The following ROBO1 variants were observed in gnomAD, a reference collection of about 807,000 sequenced individuals.
ROBO1 encodes the protein roundabout guidance receptor 1.
ROBO1 carries 149 observed loss-of-function variants against 195.9 expected under a neutral mutation model. The observed-to-expected ratio is 0.76, with a 90% CI of 0.67 to 0.87. The LOEUF is 0.87. Ranked by LOEUF, ROBO1 falls within the 40% of genes least tolerant of loss-of-function variation. The pLI, the probability that ROBO1 is intolerant of heterozygous loss-of-function variation, is 0.00. For synonymous variants in ROBO1, 816 were observed against 733.2 expected (o/e 1.11, Z -1.82); for missense variants, 1,933 against 2,068.3 (o/e 0.93, Z 1.27).
At chr3:78,646,608 G>GA (rs35671439) in intron 20 of ROBO1, among the ~76,000 whole-genome samples, 139,235 of 146,184 alleles carry the variant, frequency 0.95, 66,338 homozygotes, top group East Asian at 1. Flanking sequence ...TTAAACTCAG[G>GA]AAAAAAAAAA....
intron 3 of ROBO1, among the ~76,000 whole-genome samples, chr3:78,977,111 C>G (rs1459202198): frequency 1.3e-5 from 2 of 152,176 alleles, no homozygotes; most frequent in Admixed American, 1.3e-4. Context: ...TGTAAAATAA[C>G]TATGGCCATT....
At chr3:79,018,706 TCA>T in intron 3 of ROBO1, 1 of 1,327,992 alleles carries the variant, frequency 7.5e-7, no homozygotes, top group Non-Finnish European at 9.7e-7. Context: ...CCGAGGAGGC[TCA>T]GACACTTTCA....
intron 2 of ROBO1, among the ~76,000 whole-genome samples, chr3:79,447,221 G>A (rs2107172241): frequency 6.6e-6 from 1 of 152,266 alleles, no homozygotes; most frequent in Admixed American, 6.5e-5. Flanking sequence ...CAAGAGATAA[G>A]ATACAAGCAA....
In ROBO1 at chr3:79,309,898, T is replaced by C. The variant is rs187609840; in HGVS notation, c.89-184359A>G. On this transcript the variant is annotated intron_variant, in intron 2 of 30. Transcript: ENST00000464233. ...CACAACATAATAGTAGAAATAAAGA[T>C]AAATTCTAAATCTAAAATTTAGATA... Among the ~76,000 whole-genome samples, 13 of 152,346 alleles carry C rather than the reference T, an allele frequency of 8.5e-5. No homozygotes were observed. In the East Asian group the frequency reaches 9.6e-4, roughly 11 times the overall value.
intron 3 of ROBO1, among the ~76,000 whole-genome samples, chr3:79,052,761 G>T (rs1245745947): frequency 6.6e-6 from 1 of 152,076 alleles, no homozygotes; most frequent in African/African-American, 2.4e-5. Flanking sequence ...CACCCACATG[G>T]TCTTTCTTTT....
rs370200341 is a variant in ROBO1, at chr3:79,290,132, G to A, written c.89-164593C>T. On this transcript the variant is annotated intron_variant, in intron 2 of 30. Coordinates refer to ENST00000464233, the MANE Select transcript of ROBO1 (RefSeq NM_002941.4). ...CAGCTCACTGCAAGCTCCGCCTCCC[G>A]GATTCAAGTGATTCTCCTGCCTCAG... Among the ~76,000 whole-genome samples, 247 of 151,930 alleles carry A rather than the reference G, an allele frequency of 1.6e-3. 1 individual carries two copies. Among genetic ancestry groups the A allele is most frequent in the Non-Finnish European group, 2.6e-3 (175 of 67,998 alleles).
intron 2 of ROBO1, among the ~76,000 whole-genome samples, chr3:79,557,534 G>C (rs12714479): frequency 0.24 from 36,496 of 151,082 alleles, 5,051 homozygotes; most frequent in African/African-American, 0.37. Flanking sequence ...AGGAGTTTGA[G>C]GTCAGCCTGG....
At chr3:79,712,105 C>G (rs1702301813) in intron 1 of ROBO1, among the ~76,000 whole-genome samples, 1 of 152,024 alleles carries the variant, frequency 6.6e-6, no homozygotes, top group African/African-American at 2.4e-5. Context: ...AACGAATAAC[C>G]CTACAAAGAC....
chr3:79,326,116 C>T (rs1333043765), intron 2 of ROBO1, among the ~76,000 whole-genome samples: 2 of 152,076 alleles, frequency 1.3e-5, no homozygotes, highest in Admixed American at 6.6e-5. Flanking sequence ...TTTGGTCAGA[C>T]CGGTTGCTCT....
intron 1 of ROBO1, among the ~76,000 whole-genome samples, chr3:79,751,121 A>G (rs1169143839): frequency 6.6e-6 from 1 of 152,188 alleles, no homozygotes; most frequent in Non-Finnish European, 1.5e-5. Context: ...CAGTTTTGCA[A>G]ATCAAATGGA....
intron 2 of ROBO1, among the ~76,000 whole-genome samples, chr3:79,478,403 A>G (rs1372489378): frequency 1.1e-5 from 1 of 87,732 alleles, no homozygotes; most frequent in African/African-American, 4.8e-5. Context: ...CCACCCCCCA[A>G]AAAAAAGACT....
At chr3:79,076,017 G>T (rs184982897) in intron 3 of ROBO1, among the ~76,000 whole-genome samples, 66 of 151,406 alleles carry the variant, frequency 4.4e-4, no homozygotes, top group African/African-American at 1.5e-3. Context: ...AGCTGCCATT[G>T]CTATTTATGT....
intron 2 of ROBO1, among the ~76,000 whole-genome samples, chr3:79,370,880 C>A (rs1315318874): frequency 6.6e-6 from 1 of 151,908 alleles, no homozygotes; most frequent in Non-Finnish European, 1.5e-5. Flanking sequence ...TGTTCCCCTC[C>A]CTGTGTCCAT....
At chr3:79,096,689 T>A (rs548556469) in intron 3 of ROBO1, among the ~76,000 whole-genome samples, 33 of 151,024 alleles carry the variant, frequency 2.2e-4, no homozygotes, top group Non-Finnish European at 3.3e-4. Flanking sequence ...TGTGTATACG[T>A]ACACACATAT....
At chr3:78,865,746 C>A (rs2035134989) in intron 4 of ROBO1, among the ~76,000 whole-genome samples, 1 of 152,138 alleles carries the variant, frequency 6.6e-6, no homozygotes, top group South Asian at 2.1e-4. Flanking sequence ...GCTGAGATTA[C>A]AGGCATGAGC....
chr3:79,594,971 T>C (rs975830459), intron 1 of ROBO1, among the ~76,000 whole-genome samples: 1 of 152,010 alleles, frequency 6.6e-6, no homozygotes, highest in Non-Finnish European at 1.5e-5. Flanking sequence ...ATTTATAAGA[T>C]AATCTCATTT....
At chr3:79,317,676 C>A (rs1273152743) in intron 2 of ROBO1, among the ~76,000 whole-genome samples, 1 of 152,100 alleles carries the variant, frequency 6.6e-6, no homozygotes, top group Non-Finnish European at 1.5e-5. Flanking sequence ...ACATCCCATC[C>A]TTCCTAATAC....
chr3:79,080,917 C>T (rs1188617164), intron 3 of ROBO1, among the ~76,000 whole-genome samples: 2 of 152,008 alleles, frequency 1.3e-5, no homozygotes, highest in African/African-American at 4.8e-5. Context: ...TAGTTTACTA[C>T]CTCCAAAGAA....
intron 4 of ROBO1, among the ~76,000 whole-genome samples, chr3:78,827,420 T>A (rs1372891647): frequency 1.3e-5 from 2 of 152,146 alleles, no homozygotes; most frequent in Non-Finnish European, 2.9e-5. Context: ...AAATAATAAA[T>A]CTGAGCTTCT....
Sources: allele counts gnomAD v4.1 joint callset (sites outside exome capture counted in the v4.1 genomes callset), GRCh38; gene constraint gnomAD v4.1.1; transcripts MANE v1.5; gene names NCBI Gene and HGNC (gene_info 2026-07-23, HGNC 2026-07-21).